The following RAPGEF4 variants were observed in gnomAD, a reference collection of about 807,000 sequenced individuals.
The protein encoded by RAPGEF4 is Rap guanine nucleotide exchange factor 4.
RAPGEF4 carries 66 observed loss-of-function variants against 147.9 expected under a neutral mutation model. That is an observed-to-expected ratio of 0.45 (90% CI 0.37 to 0.55). The LOEUF (loss-of-function observed/expected upper bound fraction) is 0.55. RAPGEF4 is among the 20% of genes least tolerant of loss of function. The pLI is 0.00. For missense variants in RAPGEF4, 1,071 were observed against 1,257.3 expected, an observed-to-expected ratio of 0.85 and a Z score of 2.24; for synonymous variants, 419 against 442.7, an observed-to-expected ratio of 0.95 and a Z score of 0.67.
At chr2:172,883,412 C>G (rs1278144306) in intron 4 of RAPGEF4, among the ~76,000 whole-genome samples, 3 of 151,992 alleles carry the variant, frequency 2.0e-5, no homozygotes, top group Non-Finnish European at 4.4e-5. Context: ...CCCTCATGAC[C>G]TAAACACCTC....
intron 5 of RAPGEF4, among the ~76,000 whole-genome samples, chr2:172,921,229 A>G (rs1235854407): frequency 6.6e-6 from 1 of 151,834 alleles, no homozygotes; most frequent in Non-Finnish European, 1.5e-5. Context: ...GGTCCTCCCA[A>G]GTAGCTACAG....
intron 1 of RAPGEF4, among the ~76,000 whole-genome samples, chr2:172,784,847 C>T (rs1313344467): frequency 1.4e-5 from 2 of 146,152 alleles, no homozygotes; most frequent in Non-Finnish European, 3.0e-5. Context: ...TTTTTTGTGA[C>T]GGAGTTTTGC....
chr2:172,749,991 C>T (rs375322473), intron 1 of RAPGEF4, among the ~76,000 whole-genome samples: 2 of 152,154 alleles, frequency 1.3e-5, no homozygotes, highest in African/African-American at 4.8e-5. Context: ...AAAAGTTCCT[C>T]GCCTCCTTCT....
In RAPGEF4 at chr2:172,926,364, C is replaced by T. The variant is rs528989407; in HGVS notation, c.537+4064C>T. 1.1e-3 allele frequency among the ~76,000 whole-genome samples: 166 copies of T among 152,184 alleles called. 1 individual carries two copies. Among genetic ancestry groups the T allele is most frequent in the Non-Finnish European group, 1.8e-3 (125 of 68,000 alleles). ...TTGGCTACTTATGCAGATTGTGTTG[C>T]TTATTGTGCTCCATACTTCTGAAAG... On this transcript the variant is annotated intron_variant, in intron 6 of 30. Coordinates refer to ENST00000397081, the MANE Select transcript of RAPGEF4 (RefSeq NM_007023.4).
chr2:172,792,032 C>G (rs1446702736), intron 1 of RAPGEF4, among the ~76,000 whole-genome samples: 3 of 152,226 alleles, frequency 2.0e-5, no homozygotes, highest in Admixed American at 6.5e-5. Context: ...TCTAGCTCAT[C>G]TAGTTCTTAT....
intron 16 of RAPGEF4, among the ~76,000 whole-genome samples, chr2:172,997,226 G>A (rs2105778159): frequency 6.6e-6 from 1 of 152,154 alleles, no homozygotes; most frequent in African/African-American, 2.4e-5. Context: ...TGCATCATCC[G>A]GATCTCTGCC....
Position 173,027,253 on chromosome 2 carries a change from C to T in RAPGEF4, c.2552C>T (p.Ala851Val). ...VQLLKKFIKI[A>V]AHCKEYKNLN... is the part of the protein sequence containing the mutation. ...CTATTAAAAAAATTTATTAAGATAG[C>T]AGCCCAGTAAGTATATTTAGCTTGG... Residue 851 changes from alanine (A) to valine (V), a missense_variant, in exon 25 of 31, where the codon GCA (alanine) becomes GTA (valine). Coordinates refer to ENST00000397081, the MANE Select transcript of RAPGEF4 (RefSeq NM_007023.4). 2 of 1,589,724 alleles carry T rather than the reference C, an allele frequency of 1.3e-6. No homozygotes were observed. Among genetic ancestry groups the T allele is most frequent in the Non-Finnish European group, 1.7e-6 (2 of 1,172,722 alleles).
At chr2:172,909,784 A>G (rs1699931578) in intron 4 of RAPGEF4, among the ~76,000 whole-genome samples, 1 of 152,202 alleles carries the variant, frequency 6.6e-6, no homozygotes, top group Non-Finnish European at 1.5e-5. Context: ...TTCTATAAAG[A>G]TATGAACTGC....
chr2:172,850,197 T>C (rs999622074), intron 4 of RAPGEF4, among the ~76,000 whole-genome samples: 5 of 152,114 alleles, frequency 3.3e-5, no homozygotes, highest in African/African-American at 1.2e-4. Context: ...AAAATAAAAA[T>C]TTACCTTTGT....
At chr2:172,746,457 T>C (rs1302223875) in intron 1 of RAPGEF4, among the ~76,000 whole-genome samples, 1 of 152,204 alleles carries the variant, frequency 6.6e-6, no homozygotes, top group Non-Finnish European at 1.5e-5. Flanking sequence ...TAATTGCAAC[T>C]GTGGAAACCA....
At chr2:173,013,547 T>A (rs144936175) in intron 17 of RAPGEF4, among the ~76,000 whole-genome samples, 1 of 152,300 alleles carries the variant, frequency 6.6e-6, no homozygotes, top group Non-Finnish European at 1.5e-5. Context: ...TATAAATCAT[T>A]GAAAAAGGAA....
In RAPGEF4 at chr2:172,944,449, G is replaced by A. The variant is rs1405127429; in HGVS notation, c.538-16311G>A. 6.6e-5 allele frequency among the ~76,000 whole-genome samples: 10 copies of A among 152,114 alleles called. 1 individual carries two copies. The highest frequency in any genetic ancestry group is 5.2e-4 in the Admixed American group (8 of 15,258). On this transcript the variant is annotated intron_variant, in intron 6 of 30. Transcript: ENST00000397081. ...AGCAGTGGAGTCCTCTTATTATCTT[G>A]GGCAAGTGCCCAGGGTGAGCCTGTG...
chr2:172,737,384 G>A (rs1200312883), intron 1 of RAPGEF4, among the ~76,000 whole-genome samples: 1 of 152,128 alleles, frequency 6.6e-6, no homozygotes, highest in Non-Finnish European at 1.5e-5. Flanking sequence ...TCAGGAAAAA[G>A]GAATTATATG....
chr2:173,019,124 A>G (rs1695791264), intron 22 of RAPGEF4, among the ~76,000 whole-genome samples: 1 of 152,216 alleles, frequency 6.6e-6, no homozygotes, highest in Admixed American at 6.5e-5. Context: ...ATGGGCCCCA[A>G]GAGGAAATCT....
chr2:172,882,806 T>TATCATCATC (rs3835839), intron 4 of RAPGEF4, among the ~76,000 whole-genome samples: 3 of 151,726 alleles, frequency 2.0e-5, no homozygotes, highest in African/African-American at 2.4e-5. Context: ...ACATTATCAT[T>TATCATCATC]ATCATCATCA....
intron 4 of RAPGEF4, among the ~76,000 whole-genome samples, chr2:172,817,240 C>T (rs1574933441): frequency 6.6e-6 from 1 of 152,032 alleles, no homozygotes; most frequent in Admixed American, 6.6e-5. Context: ...CTATTCCGCT[C>T]AGAGGAGACA....
intron 4 of RAPGEF4, among the ~76,000 whole-genome samples, chr2:172,874,217 T>C (rs1575102983): frequency 6.6e-6 from 1 of 152,332 alleles, no homozygotes; most frequent in East Asian, 1.9e-4. Flanking sequence ...CAAAGGATTA[T>C]AAATAATTCT....
At chr2:172,883,785 A>G (rs1485468185) in intron 4 of RAPGEF4, among the ~76,000 whole-genome samples, 1 of 152,102 alleles carries the variant, frequency 6.6e-6, no homozygotes, top group African/African-American at 2.4e-5. Context: ...GGTCCTTGGG[A>G]CCACAGAAAG....
At chr2:172,844,049 A>G (rs1691903918) in intron 4 of RAPGEF4, among the ~76,000 whole-genome samples, 1 of 152,258 alleles carries the variant, frequency 6.6e-6, no homozygotes, top group African/African-American at 2.4e-5. Context: ...AGCAGTTTAC[A>G]TAAAGAAGAA....
Sources: gnomAD v4.1 joint callset for allele counts (sites outside exome capture counted in the v4.1 genomes callset) on GRCh38, gnomAD v4.1.1 for gene constraint, MANE v1.5 for transcripts, NCBI Gene and HGNC (gene_info 2026-07-23, HGNC 2026-07-21) for gene names.